Variants in INPP4B observed in about 807,000 individuals in gnomAD.
INPP4B encodes the protein inositol polyphosphate-4-phosphatase type II B, also known as inositol polyphosphate 4-phosphatase type II.
INPP4B carries 55 observed loss-of-function variants against 122.5 expected under a neutral mutation model. That is an observed-to-expected ratio of 0.45 (90% confidence interval 0.36 to 0.56). The LOEUF is 0.56. INPP4B is among the 20% of genes least tolerant of loss of function. INPP4B has a pLI of 0.00. For synonymous variants in INPP4B, 403 were observed against 388.7 expected (o/e 1.04, Z -0.43); for missense variants, 1,000 against 1,097.7 (o/e 0.91, Z 1.26).
intron 2 of INPP4B, among the ~76,000 whole-genome samples, chr4:142,519,929 A>G (rs1825876592): frequency 6.6e-6 from 1 of 152,110 alleles, no homozygotes; most frequent in Non-Finnish European, 1.5e-5. Context: ...GAATTGATTA[A>G]AAACTGTTTT....
intron 2 of INPP4B, among the ~76,000 whole-genome samples, chr4:142,577,633 T>C (rs1734137417): frequency 6.6e-6 from 1 of 152,012 alleles, no homozygotes; most frequent in South Asian, 2.1e-4. Context: ...AAAACGTACA[T>C]GTTATTTTAG....
intron 25 of INPP4B, among the ~76,000 whole-genome samples, chr4:142,067,786 G>C (rs1578786119): frequency 6.6e-6 from 1 of 152,172 alleles, no homozygotes; most frequent in African/African-American, 2.4e-5. Flanking sequence ...AGAGAAAAAA[G>C]AGTAAAAAGA....
chr4:142,802,259 T>G (rs985175620), intron 1 of INPP4B, among the ~76,000 whole-genome samples: 1 of 152,242 alleles, frequency 6.6e-6, no homozygotes, highest in Non-Finnish European at 1.5e-5. Flanking sequence ...TACTTCCTTT[T>G]GCCAGAGACT....
chr4:142,284,167 G>A (rs1017442084), intron 9 of INPP4B, among the ~76,000 whole-genome samples: 1 of 152,024 alleles, frequency 6.6e-6, no homozygotes, highest in Non-Finnish European at 1.5e-5. Context: ...GAGGAGGGAG[G>A]CAAAGTAGAC....
chr4:142,326,832 T>C (rs1043806154), intron 7 of INPP4B, among the ~76,000 whole-genome samples: 6 of 152,216 alleles, frequency 3.9e-5, no homozygotes, highest in South Asian at 4.1e-4. Flanking sequence ...TATTATTTCA[T>C]TGTAGTTCTG....
intron 2 of INPP4B, among the ~76,000 whole-genome samples, chr4:142,705,209 C>T (rs1246876862): frequency 6.6e-6 from 1 of 152,130 alleles, no homozygotes; most frequent in Non-Finnish European, 1.5e-5. Context: ...TAGATGGGAA[C>T]CTTGATGTTC....
chr4:142,368,879 CA>C (rs1445268958), intron 7 of INPP4B, among the ~76,000 whole-genome samples: 1 of 151,142 alleles, frequency 6.6e-6, no homozygotes, highest in Non-Finnish European at 1.5e-5. Flanking sequence ...CACAGGATTC[CA>C]AGTGAGTGTG....
At position 142,606,589 on chromosome 4, in the gene INPP4B, G is replaced by A. The variant is rs116795849; in HGVS notation, c.-191+119250C>T. ...AGCATTAAACAATTTTAAAATATCA[G>A]ATTAAAACACAGCTGTTCAAATACA... On this transcript the variant is annotated intron_variant, in intron 2 of 25. Coordinates refer to ENST00000262992, the MANE Select transcript of INPP4B (RefSeq NM_001101669.3). 2.6e-3 allele frequency among the ~76,000 whole-genome samples: 396 copies of A among 151,914 alleles called. 5 individuals are homozygous for A. The highest frequency in any genetic ancestry group is 9.1e-3 in the African/African-American group (378 of 41,462).
chr4:142,030,000 CAAACT>C, intron 25 of INPP4B: 1 of 1,373,446 alleles, frequency 7.3e-7, no homozygotes, highest in Non-Finnish European at 9.4e-7. Context: ...TTAGGAAAAA[CAAACT>C]AAACACAATT....
intron 15 of INPP4B, among the ~76,000 whole-genome samples, chr4:142,187,066 C>A (rs570561439): frequency 7.7e-6 from 1 of 130,204 alleles, no homozygotes; most frequent in South Asian, 2.8e-4. Context: ...GAGTAGCCAA[C>A]AAGGAACTAA....
At chr4:142,610,381 G>C (rs566529539) in intron 2 of INPP4B, among the ~76,000 whole-genome samples, 1 of 152,194 alleles carries the variant, frequency 6.6e-6, no homozygotes, top group East Asian at 1.9e-4. Flanking sequence ...AGCAGTGTGA[G>C]AACAGAATAA....
At chr4:142,119,826 TAC>T (rs35148813) in intron 21 of INPP4B, among the ~76,000 whole-genome samples, 120,335 of 149,964 alleles carry the variant, frequency 0.8, 49,794 homozygotes, top group South Asian at 0.91. Flanking sequence ...CACACACACA[TAC>T]ACATATATAT....
intron 2 of INPP4B, among the ~76,000 whole-genome samples, chr4:142,682,741 C>T (rs1758814575): frequency 6.6e-6 from 1 of 151,718 alleles, no homozygotes; most frequent in Non-Finnish European, 1.5e-5. Context: ...GAGAGAAAGG[C>T]AATGAATTGA....
chr4:142,664,441 G>A (rs1263551566), intron 2 of INPP4B, among the ~76,000 whole-genome samples: 1 of 151,954 alleles, frequency 6.6e-6, no homozygotes, highest in Non-Finnish European at 1.5e-5. Flanking sequence ...ACCTGGCACT[G>A]CATAATATAT....
intron 11 of INPP4B, among the ~76,000 whole-genome samples, chr4:142,244,187 T>C (rs1278575703): frequency 6.6e-6 from 1 of 151,800 alleles, no homozygotes; most frequent in African/African-American, 2.4e-5. Flanking sequence ...CTGTGTTAGT[T>C]TGCTGAGAAT....
At chr4:142,412,682 G>T (rs1314726463) in intron 5 of INPP4B, among the ~76,000 whole-genome samples, 2 of 152,106 alleles carry the variant, frequency 1.3e-5, no homozygotes, top group East Asian at 3.9e-4. Flanking sequence ...TCTTTCTTCT[G>T]TATTCTCTGT....
intron 1 of INPP4B, among the ~76,000 whole-genome samples, chr4:142,788,622 T>G (rs527865155): frequency 6.6e-6 from 1 of 152,090 alleles, no homozygotes; most frequent in African/African-American, 2.4e-5. Flanking sequence ...CACCCCTGCC[T>G]GGCCTTCCCC....
chr4:142,662,375 T>C (rs749352396), intron 2 of INPP4B, among the ~76,000 whole-genome samples: 40 of 152,334 alleles, frequency 2.6e-4, no homozygotes, highest in Non-Finnish European at 5.4e-4. Context: ...GCATCACCTA[T>C]ATTACCTTTG....
intron 1 of INPP4B, among the ~76,000 whole-genome samples, chr4:142,743,444 G>A (rs1338234808): frequency 6.6e-6 from 1 of 151,966 alleles, no homozygotes; most frequent in Non-Finnish European, 1.5e-5. Context: ...CTTGGCCAAG[G>A]ATTGAGCTAT....
Sources: allele counts gnomAD v4.1 joint callset (sites outside exome capture counted in the v4.1 genomes callset), GRCh38; gene constraint gnomAD v4.1.1; transcripts MANE v1.5; gene names NCBI Gene and HGNC (gene_info 2026-07-23, HGNC 2026-07-21).